THADA: variants seen among roughly 807,000 people sequenced by gnomAD.
THADA encodes the protein THADA armadillo repeat containing, also known as tRNA (32-2'-O)-methyltransferase regulator THADA.
In THADA, 213 loss-of-function variants were observed where a neutral mutation model predicts 219.8. The observed-to-expected ratio is 0.97, with a 90% CI of 0.87 to 1.09. The LOEUF is 1.09. THADA is among the 50% of genes least tolerant of loss of function. The pLI, the probability that THADA is intolerant of heterozygous loss-of-function variation, is 0.00. For missense variants in THADA, 2,956 were observed against 2,311.3 expected, an observed-to-expected ratio of 1.28 and a Z score of -5.72; for synonymous variants, 1,018 against 828.9, an observed-to-expected ratio of 1.23 and a Z score of -3.92.
Position 43,397,970 on chromosome 2 carries a change from C to A in THADA, c.4227+1G>T, listed in dbSNP as rs866221417. The A allele has an allele frequency of 2.5e-6, 4 of 1,613,688 alleles. No homozygotes were observed. The Middle Eastern group carries it at 5.0e-4, about 200-fold the overall frequency. On this transcript the variant is annotated splice_donor_variant, in intron 29 of 37. Coordinates refer to ENST00000405975, the MANE Select transcript of THADA (RefSeq NM_022065.5). LOFTEE classifies it high-confidence loss of function. ...AAGTCACACAAAGCAACTTTACTTA[C>A]CTGGAGAAGTGTCCCATGAATGTGG...
intron 8 of THADA, 84 bp from the exon 9 acceptor site, chr2:43,578,691 T>A (rs1274671339): frequency 1.1e-6 from 1 of 888,294 alleles, no homozygotes; most frequent in East Asian, 2.7e-5. Context: ...AGCAGCCAGA[T>A]AGGCCTGGGT....
At chr2:43,336,705 G>A (rs539224628) in intron 30 of THADA, among the ~76,000 whole-genome samples, 1 of 152,254 alleles carries the variant, frequency 6.6e-6, no homozygotes, top group East Asian at 1.9e-4. Flanking sequence ...AACTCTGAGG[G>A]TAAGGCCTGG....
intron 36 of THADA, among the ~76,000 whole-genome samples, chr2:43,264,331 G>T (rs1307306568): frequency 6.6e-6 from 1 of 151,374 alleles, no homozygotes; most frequent in Non-Finnish European, 1.5e-5. Context: ...TGTTGCCCGG[G>T]CTAAAGGGCA....
At chr2:43,350,551 A>G (rs1668138310) in intron 29 of THADA, among the ~76,000 whole-genome samples, 1 of 152,218 alleles carries the variant, frequency 6.6e-6, no homozygotes, top group Non-Finnish European at 1.5e-5. Flanking sequence ...TGACTTCCAC[A>G]ATGCAGGGTG....
At chr2:43,331,010 G>A (rs1381348929) in intron 30 of THADA, among the ~76,000 whole-genome samples, 2 of 152,166 alleles carry the variant, frequency 1.3e-5, no homozygotes, top group East Asian at 3.9e-4. Context: ...TTGAAATAGG[G>A]AGTTAGGGTG....
intron 30 of THADA, chr2:43,343,543 G>A (rs943971702): frequency 1.3e-5 from 2 of 152,460 alleles, no homozygotes; most frequent in Non-Finnish European, 2.9e-5. Flanking sequence ...TATTACATGA[G>A]AAATTCCTTT....
chr2:43,550,365 T>C (rs1696610598), intron 19 of THADA, among the ~76,000 whole-genome samples: 1 of 152,204 alleles, frequency 6.6e-6, no homozygotes, highest in Admixed American at 6.6e-5. Flanking sequence ...TGTTCCTTCC[T>C]GGAATTTTGT....
chr2:43,469,222 C>A (rs533822947), intron 26 of THADA, among the ~76,000 whole-genome samples: 27 of 150,402 alleles, frequency 1.8e-4, no homozygotes, highest in African/African-American at 6.8e-4. Flanking sequence ...AAAGGAAAAG[C>A]CCGACAAGTT....
chr2:43,411,810 A>G (rs1241926096), intron 28 of THADA, among the ~76,000 whole-genome samples: 1 of 152,208 alleles, frequency 6.6e-6, no homozygotes, highest in Non-Finnish European at 1.5e-5. Flanking sequence ...GTACATTATT[A>G]TACAGCTGAA....
At chr2:43,555,480 C>G (rs1697236580) in intron 17 of THADA, among the ~76,000 whole-genome samples, 1 of 151,962 alleles carries the variant, frequency 6.6e-6, no homozygotes, top group African/African-American at 2.4e-5. Context: ...CCTAAAATGT[C>G]TTGAATTGAA....
chr2:43,257,812 C>T (rs1049994001), intron 36 of THADA, among the ~76,000 whole-genome samples: 3 of 152,118 alleles, frequency 2.0e-5, no homozygotes, highest in Non-Finnish European at 4.4e-5. Flanking sequence ...ACTTTAATTA[C>T]GTGTTACGGA....
chr2:43,580,308 G>A (rs1382066646), intron 8 of THADA, among the ~76,000 whole-genome samples: 2 of 151,736 alleles, frequency 1.3e-5, no homozygotes, highest in Admixed American at 1.3e-4. Flanking sequence ...CAAAGTGCTG[G>A]GATTACAGGC....
chr2:43,378,842 G>A (rs1442215665), intron 29 of THADA, among the ~76,000 whole-genome samples: 1 of 152,122 alleles, frequency 6.6e-6, no homozygotes, highest in Non-Finnish European at 1.5e-5. Flanking sequence ...CTGACCTCAG[G>A]TGATCCACCT....
intron 29 of THADA, among the ~76,000 whole-genome samples, chr2:43,386,632 G>A (rs914280836): frequency 2.0e-5 from 3 of 152,008 alleles, no homozygotes; most frequent in African/African-American, 7.3e-5. Flanking sequence ...AGTGGCTCAC[G>A]CCTGTAATCC....
At position 43,571,739 on chromosome 2, in the gene THADA, C is replaced by T; in HGVS notation, c.2032G>A (p.Val678Met). Reference sequence around the variant, plus strand: ...AGAAGAGAACAGATCTGTTGCCGCACTCCTGGAGACTGGCTGTTAAGATTG... The same window carrying T: ...AGAAGAGAACAGATCTGTTGCCGCATTCCTGGAGACTGGCTGTTAAGATTG... ...TYNLNSQSPGVRQQICSLLKK... is the reference protein window; with the variant it reads ...TYNLNSQSPGMRQQICSLLKK... Residue 678 changes from valine (V) to methionine (M), a missense_variant, in exon 13 of 38, where the codon GTG becomes ATG. Physicochemically the swap from Val to Met is conservative, Grantham distance 21 (BLOSUM62 1). Transcript: ENST00000405975. 6.2e-7 allele frequency: 1 copy of T among 1,613,852 alleles called. No individual in the cohort carries two copies. The highest frequency in any genetic ancestry group is 8.5e-7 in the Non-Finnish European group (1 of 1,179,830).
chr2:43,407,232 A>G (rs1675663550), intron 28 of THADA, among the ~76,000 whole-genome samples: 2 of 152,208 alleles, frequency 1.3e-5, no homozygotes, highest in African/African-American at 4.8e-5. Flanking sequence ...GTTCACAAAC[A>G]CAGGAATGGG....
chr2:43,551,151 G>T (rs1414154397), intron 19 of THADA, among the ~76,000 whole-genome samples: 1 of 152,174 alleles, frequency 6.6e-6, no homozygotes, highest in East Asian at 1.9e-4. Context: ...ATGGTTCAGT[G>T]AGTGTTTATG....
chr2:43,531,109 C>T (rs1693810599), intron 21 of THADA, among the ~76,000 whole-genome samples: 1 of 152,188 alleles, frequency 6.6e-6, no homozygotes, highest in South Asian at 2.1e-4. Context: ...GATGCCTGTC[C>T]TCAGCAGGCT....
intron 31 of THADA, among the ~76,000 whole-genome samples, chr2:43,306,199 ATGGG>A (rs1676844847): frequency 6.6e-6 from 1 of 151,986 alleles, no homozygotes; most frequent in South Asian, 2.1e-4. Flanking sequence ...TTCTGTAGAG[ATGGG>A]GTTTTGCCAT....
Sources: gnomAD v4.1 joint callset for allele counts (sites outside exome capture counted in the v4.1 genomes callset) on GRCh38, gnomAD v4.1.1 for gene constraint, MANE v1.5 for transcripts, NCBI Gene and HGNC (gene_info 2026-07-23, HGNC 2026-07-21) for gene names.